The following PTCHD4 variants were observed in gnomAD, a reference collection of about 807,000 sequenced individuals.
PTCHD4 encodes patched domain containing 4.
Under a neutral mutation model 58.1 loss-of-function variants are expected in PTCHD4, and 33 were observed. That is an observed-to-expected ratio of 0.57 (90% confidence interval 0.43 to 0.76). PTCHD4 has a LOEUF of 0.76. Ranked by LOEUF, PTCHD4 falls within the 30% of genes least tolerant of loss-of-function variation. The pLI, the probability that PTCHD4 is intolerant of heterozygous loss-of-function variation, is 0.00. For missense variants in PTCHD4, 1,058 were observed against 1,027.1 expected (o/e 1.03, Z -0.41); for synonymous variants, 478 against 409.6 (o/e 1.17, Z -2.02).
At chr6:48,006,794 C>T (rs1762453500) in intron 4 of PTCHD4, among the ~76,000 whole-genome samples, 1 of 152,178 alleles carries the variant, frequency 6.6e-6, no homozygotes, top group Non-Finnish European at 1.5e-5. Context: ...GCACTTAAAA[C>T]ATCAGGTTAA....
At chr6:48,093,675 C>A (rs1765409180) in intron 1 of PTCHD4, among the ~76,000 whole-genome samples, 1 of 152,018 alleles carries the variant, frequency 6.6e-6, no homozygotes. Context: ...TCTTTAATCA[C>A]CTCTTACTAC....
At chr6:47,999,360 C>G (rs1015794911) in intron 4 of PTCHD4, among the ~76,000 whole-genome samples, 3 of 152,154 alleles carry the variant, frequency 2.0e-5, no homozygotes, top group African/African-American at 7.2e-5. Context: ...AGTAGCATGA[C>G]TACAACTGAT....
chr6:47,955,390 T>A (rs1281194160), intron 4 of PTCHD4, among the ~76,000 whole-genome samples: 1 of 152,194 alleles, frequency 6.6e-6, no homozygotes, highest in Admixed American at 6.5e-5. Context: ...TCTCGAATTA[T>A]GAGTCTGATT....
intron 4 of PTCHD4, among the ~76,000 whole-genome samples, chr6:47,990,774 A>G (rs1326700348): frequency 6.6e-6 from 1 of 152,228 alleles, no homozygotes; most frequent in Non-Finnish European, 1.5e-5. Context: ...TTGAAAAAGT[A>G]TCTTCAGATG....
At chr6:47,983,737 A>G (rs1184436255) in intron 4 of PTCHD4, among the ~76,000 whole-genome samples, 2 of 152,204 alleles carry the variant, frequency 1.3e-5, no homozygotes, top group Admixed American at 1.3e-4. Context: ...ATGAAGTTCA[A>G]ATTCTAAAAA....
chr6:47,988,071 C>T (rs186570315), intron 4 of PTCHD4, among the ~76,000 whole-genome samples: 19 of 152,240 alleles, frequency 1.2e-4, no homozygotes, highest in African/African-American at 4.3e-4. Flanking sequence ...GCCACTGTGC[C>T]TGACCCCAGT....
rs559585787 is a variant in PTCHD4 at position 47,960,000 on chromosome 6, A to T, written c.898+48634T>A. Among the ~76,000 whole-genome samples, 4 of 152,238 alleles carry T rather than the reference A, an allele frequency of 2.6e-5. No individual in the cohort carries two copies. The South Asian group carries it at 8.3e-4, about 32-fold the overall frequency. ...AGATAGTTGACTTTAAAAAATATTA[A>T]CAATGTAGTATATGGTTAATGACAT... On this transcript the variant is annotated intron_variant, in intron 4 of 4. Transcript: ENST00000339488.
At chr6:48,070,623 T>C (rs1319703710) in intron 1 of PTCHD4, among the ~76,000 whole-genome samples, 3 of 152,252 alleles carry the variant, frequency 2.0e-5, no homozygotes, top group Non-Finnish European at 2.9e-5. Flanking sequence ...TAGTTCTCCA[T>C]CTGGCCCATG....
chr6:47,882,758 T>TATATATATATATATATATATATATAGA, intron 4 of PTCHD4, among the ~76,000 whole-genome samples: 1 of 31,938 alleles, frequency 3.1e-5, no homozygotes, highest in Non-Finnish European at 8.7e-5. Context: ...ATATATATAT[T>TATATATATATATATATATATATATAGA]CCTTAAATTT....
intron 4 of PTCHD4, among the ~76,000 whole-genome samples, chr6:47,975,875 C>A (rs558430208): frequency 6.6e-6 from 1 of 152,120 alleles, no homozygotes; most frequent in Non-Finnish European, 1.5e-5. Flanking sequence ...AGAGATGGGT[C>A]ATATTTTTGA....
chr6:47,907,108 A>C (rs928349191), intron 4 of PTCHD4, among the ~76,000 whole-genome samples: 1 of 152,126 alleles, frequency 6.6e-6, no homozygotes, highest in Non-Finnish European at 1.5e-5. Flanking sequence ...TCTTGGATGG[A>C]GCTACAAGTC....
At chr6:47,911,227 C>G (rs1248210700) in intron 4 of PTCHD4, among the ~76,000 whole-genome samples, 2 of 152,034 alleles carry the variant, frequency 1.3e-5, no homozygotes, top group Non-Finnish European at 2.9e-5. Flanking sequence ...CAGAGTATTT[C>G]TTTTCCCTTC....
chr6:47,922,674 CTT>C lies in PTCHD4; in HGVS notation c.899-42740_899-42739del, dbSNP rs746358730. Among the ~76,000 whole-genome samples the C allele has an allele frequency of 2.0e-5, 3 of 152,290 alleles. No individual in the cohort carries two copies. In the East Asian group the frequency reaches 5.8e-4, roughly 29 times the overall value. ...GCGGGGTGCCCTTGTTCAATGAACTCTTTGTGCATGTTCACAGCTGGCTGGTC... is the reference window on the plus strand; with the variant it reads ...GCGGGGTGCCCTTGTTCAATGAACTCTGTGCATGTTCACAGCTGGCTGGTC... On this transcript the variant is annotated intron_variant, in intron 4 of 4. Coordinates refer to ENST00000339488, the MANE Select transcript of PTCHD4 (RefSeq NM_001384253.1).
At chr6:48,029,361 C>G (rs1235992397) in intron 3 of PTCHD4, among the ~76,000 whole-genome samples, 1 of 151,986 alleles carries the variant, frequency 6.6e-6, no homozygotes, top group African/African-American at 2.4e-5. Flanking sequence ...TGAGACCATG[C>G]TACTGAAGTG....
intron 1 of PTCHD4, among the ~76,000 whole-genome samples, chr6:48,081,380 A>G (rs1314207653): frequency 6.6e-6 from 1 of 152,190 alleles, no homozygotes. Context: ...TCTGGATACA[A>G]ACAAATCTAG....
chr6:47,917,796 T>C (rs1057092198), intron 4 of PTCHD4, among the ~76,000 whole-genome samples: 2 of 152,160 alleles, frequency 1.3e-5, no homozygotes, highest in African/African-American at 4.8e-5. Context: ...TCTATTCTGA[T>C]AGTGCTAAAG....
intron 4 of PTCHD4, among the ~76,000 whole-genome samples, chr6:47,917,429 A>G (rs1436018526): frequency 1.3e-5 from 2 of 152,158 alleles, no homozygotes; most frequent in East Asian, 3.9e-4. Context: ...TGGCTCTCAC[A>G]TATACAAATC....
intron 1 of PTCHD4, among the ~76,000 whole-genome samples, chr6:48,098,342 CTT>C (rs776103767): frequency 2.4e-4 from 33 of 140,164 alleles, no homozygotes; most frequent in African/African-American, 2.6e-4. Context: ...TCTTCTTCTT[CTT>C]TTTTTTTTTT....
chr6:47,904,974 C>G (rs1434093913), intron 4 of PTCHD4, among the ~76,000 whole-genome samples: 1 of 149,792 alleles, frequency 6.7e-6, no homozygotes, highest in Non-Finnish European at 1.5e-5. Context: ...GAATTTCATG[C>G]ACAAGAAATG....
Sources: allele counts gnomAD v4.1 joint callset (sites outside exome capture counted in the v4.1 genomes callset), GRCh38; gene constraint gnomAD v4.1.1; transcripts MANE v1.5; gene names NCBI Gene and HGNC (gene_info 2026-07-23, HGNC 2026-07-21).